Variants in ANO3 observed in about 807,000 individuals in gnomAD.
ANO3 encodes anoctamin 3, also known as anoctamin-3.
ANO3 carries 99 observed loss-of-function variants against 144.8 expected under a neutral mutation model. The ratio of observed to expected loss-of-function variants is 0.68; its 90% CI spans 0.58 to 0.81. The LOEUF (loss-of-function observed/expected upper bound fraction) is 0.81, where lower values mean the gene tolerates loss of function less well. ANO3 is among the 30% of genes least tolerant of loss of function. The pLI, the probability that ANO3 is intolerant of heterozygous loss-of-function variation, is 0.00. For synonymous variants in ANO3, 414 were observed against 392.6 expected (o/e 1.05, Z -0.64); for missense variants, 905 against 1,202.2 (o/e 0.75, Z 3.66).
intron 26 of ANO3, among the ~76,000 whole-genome samples, chr11:26,658,159 G>A (rs1250347440): frequency 6.6e-6 from 1 of 152,034 alleles, no homozygotes; most frequent in Admixed American, 6.6e-5. Context: ...TTTCATTCTC[G>A]TGCACATAGA....
intron 4 of ANO3, among the ~76,000 whole-genome samples, chr11:26,471,788 TA>T (rs532164933): frequency 9.8e-4 from 149 of 152,036 alleles, no homozygotes; most frequent in African/African-American, 3.4e-3. Flanking sequence ...TGTGCCTATT[TA>T]GGAAGTCGTA....
intron 2 of ANO3, among the ~76,000 whole-genome samples, chr11:26,443,469 G>T (rs1858596394): frequency 6.6e-6 from 1 of 152,034 alleles, no homozygotes; most frequent in South Asian, 2.1e-4. Context: ...AGGCATGATG[G>T]TGCACACCTA....
chr11:26,522,086 A>T (rs2134161529), intron 6 of ANO3, among the ~76,000 whole-genome samples: 1 of 152,186 alleles, frequency 6.6e-6, no homozygotes, highest in South Asian at 2.1e-4. Flanking sequence ...CGGGAGGCTG[A>T]GGCAAGAGAA....
intron 1 of ANO3, among the ~76,000 whole-genome samples, chr11:26,422,862 T>G (rs1273298527): frequency 6.6e-6 from 1 of 151,980 alleles, no homozygotes; most frequent in Non-Finnish European, 1.5e-5. Context: ...GAAAAGAAAC[T>G]TTGTACTCTG....
intron 14 of ANO3, chr11:26,561,351 G>T: frequency 2.9e-6 from 2 of 696,270 alleles, no homozygotes; most frequent in East Asian, 6.7e-5. Flanking sequence ...GGGCTTTTTA[G>T]ATTTTAGTTT....
intron 23 of ANO3, among the ~76,000 whole-genome samples, chr11:26,647,256 T>A (rs1853374988): frequency 6.6e-6 from 1 of 152,134 alleles, no homozygotes; most frequent in African/African-American, 2.4e-5. Flanking sequence ...ACCAGACTAG[T>A]TTTGCTTTTT....
At chr11:26,365,989 TATATATA>T (rs1306312539) in intron 1 of ANO3, among the ~76,000 whole-genome samples, 2 of 1,284 alleles carry the variant, frequency 1.6e-3, no homozygotes, top group African/African-American at 2.3e-3. Context: ...TATATATATA[TATATATA>T]TATATATTTT....
intron 1 of ANO3, among the ~76,000 whole-genome samples, chr11:26,267,517 T>A (rs990899949): frequency 5.3e-5 from 8 of 152,238 alleles, no homozygotes; most frequent in African/African-American, 1.9e-4. Context: ...TCATTTTTGG[T>A]TCAGCGGGTA....
intron 1 of ANO3, among the ~76,000 whole-genome samples, chr11:26,437,311 A>G (rs1010640984): frequency 9.2e-5 from 14 of 152,234 alleles, no homozygotes; most frequent in African/African-American, 2.9e-4. Context: ...GAGACTCCAC[A>G]TAGCTCTGCC....
chr11:26,421,032 G>A (rs577460419), intron 1 of ANO3, among the ~76,000 whole-genome samples: 2 of 152,134 alleles, frequency 1.3e-5, no homozygotes, highest in East Asian at 1.9e-4. Flanking sequence ...CTTCCTAGAT[G>A]TGGGACTTGA....
At chr11:26,380,772 A>G (rs1277355743) in intron 1 of ANO3, among the ~76,000 whole-genome samples, 3 of 152,176 alleles carry the variant, frequency 2.0e-5, no homozygotes, top group African/African-American at 4.8e-5. Flanking sequence ...ACCTGAGGTC[A>G]GGAGTTTAAG....
At chr11:26,240,686 G>A (rs1421201576) in intron 1 of ANO3, among the ~76,000 whole-genome samples, 1 of 152,022 alleles carries the variant, frequency 6.6e-6, no homozygotes, top group East Asian at 1.9e-4. Context: ...TGACTACCTG[G>A]ATAAATAGTG....
intron 1 of ANO3, among the ~76,000 whole-genome samples, chr11:26,436,162 T>C (rs1485883398): frequency 6.6e-6 from 1 of 152,154 alleles, no homozygotes; most frequent in Non-Finnish European, 1.5e-5. Flanking sequence ...CTGACCACTT[T>C]TCCAGTAGAT....
intron 17 of ANO3, among the ~76,000 whole-genome samples, chr11:26,607,082 A>G (rs1851956988): frequency 6.6e-6 from 1 of 152,104 alleles, no homozygotes; most frequent in Non-Finnish European, 1.5e-5. Flanking sequence ...AATTGTTTTG[A>G]AAATTCTTTA....
At chr11:26,435,266 C>A (rs1439475298) in intron 1 of ANO3, among the ~76,000 whole-genome samples, 1 of 152,122 alleles carries the variant, frequency 6.6e-6, no homozygotes, top group Admixed American at 6.5e-5. Context: ...TTCTGGCTTG[C>A]AGGGTTTCTT....
At chr11:26,439,078 G>A (rs763043765) in intron 1 of ANO3, among the ~76,000 whole-genome samples, 8 of 152,260 alleles carry the variant, frequency 5.3e-5, no homozygotes, top group East Asian at 3.9e-4. Context: ...AAGACAAGTC[G>A]ATGGCATTTT....
In ANO3 at chr11:26,615,226, A is replaced by G. The variant is rs572135565; in HGVS notation, c.1837-9236A>G. ...GAGCTACCCATAAAACCACCGCTATACAAGTAGCAACATTAGGTCACTTTT... is the reference window on the plus strand; with the variant it reads ...GAGCTACCCATAAAACCACCGCTATGCAAGTAGCAACATTAGGTCACTTTT... On this transcript the variant is annotated intron_variant, in intron 17 of 26. Coordinates refer to ENST00000256737, the MANE Select transcript of ANO3 (RefSeq NM_031418.4). Among the ~76,000 whole-genome samples, 7 of 149,056 alleles carry G rather than the reference A, an allele frequency of 4.7e-5. No homozygotes were observed. The East Asian group carries it at 1.4e-3, about 29-fold the overall frequency.
At chr11:26,395,435 TG>T (rs1856985930) in intron 1 of ANO3, among the ~76,000 whole-genome samples, 1 of 152,196 alleles carries the variant, frequency 6.6e-6, no homozygotes, top group South Asian at 2.1e-4. Context: ...CATTTGTTTG[TG>T]TTCTCTCTTA....
At chr11:26,312,949 T>A (rs1854535084) in intron 1 of ANO3, among the ~76,000 whole-genome samples, 1 of 152,220 alleles carries the variant, frequency 6.6e-6, no homozygotes, top group Admixed American at 6.5e-5. Flanking sequence ...TACTATTCCA[T>A]CATTTGCTTT....
Sources: allele counts gnomAD v4.1 joint callset (sites outside exome capture counted in the v4.1 genomes callset), GRCh38; gene constraint gnomAD v4.1.1; transcripts MANE v1.5; gene names NCBI Gene and HGNC (gene_info 2026-07-23, HGNC 2026-07-21).